C8orf34: variants seen among roughly 807,000 people sequenced by gnomAD.
C8orf34 encodes the protein uncharacterized protein C8orf34.
A neutral mutation model predicts 68.3 loss-of-function variants in C8orf34; 65 were observed. That is an observed-to-expected ratio of 0.95 (90% confidence interval 0.78 to 1.17). The LOEUF (loss-of-function observed/expected upper bound fraction) is 1.17, where lower values mean the gene tolerates loss of function less well. Ranked by LOEUF, C8orf34 falls within the 50% of genes most tolerant of loss-of-function variation. The probability of loss-of-function intolerance (pLI) is 0.00; values close to 1 mark genes in which losing one functional copy is unlikely to be tolerated. For missense variants in C8orf34, 664 were observed against 655.4 expected (o/e 1.01, Z -0.14); for synonymous variants, 244 against 241.2 (o/e 1.01, Z -0.11).
chr8:68,677,973 G>GA lies in C8orf34; in HGVS notation c.1242-31017dup, dbSNP rs377122237. On this transcript the variant is annotated intron_variant, in intron 8 of 13. Coordinates refer to ENST00000518698, the MANE Select transcript of C8orf34 (RefSeq NM_052958.4). ...AAGAGAAACTATATGCCTTAAACTG[G>GA]AAAACCTAAAAGAAGTGGATAAACT... Among the ~76,000 whole-genome samples the GA allele has an allele frequency of 3.4e-3, 521 of 152,154 alleles. 3 individuals are homozygous for GA. Among genetic ancestry groups the GA allele is most frequent in the African/African-American group, 0.012 (490 of 41,526 alleles).
At chr8:68,474,855 A>G (rs925751154) in intron 4 of C8orf34, among the ~76,000 whole-genome samples, 1 of 152,184 alleles carries the variant, frequency 6.6e-6, no homozygotes, top group Admixed American at 6.5e-5. Flanking sequence ...GGAGCTGGAA[A>G]AAGTAGGCTA....
intron 10 of C8orf34, among the ~76,000 whole-genome samples, chr8:68,758,024 A>G (rs1822915826): frequency 6.6e-6 from 1 of 152,236 alleles, no homozygotes; most frequent in Non-Finnish European, 1.5e-5. Flanking sequence ...AGCCCAACAA[A>G]GTACACGTTC....
At chr8:68,589,848 AAGAG>A (rs1489302461) in intron 7 of C8orf34, among the ~76,000 whole-genome samples, 2 of 142,680 alleles carry the variant, frequency 1.4e-5, no homozygotes, top group Non-Finnish European at 3.1e-5. Context: ...TAAAAAGAAA[AAGAG>A]AGAAATGAGT....
At chr8:68,598,854 G>A (rs527594390) in intron 7 of C8orf34, among the ~76,000 whole-genome samples, 3 of 152,154 alleles carry the variant, frequency 2.0e-5, no homozygotes, top group South Asian at 2.1e-4. Context: ...TACAGAGGAC[G>A]AGGAAGAGGA....
At chr8:68,793,686 T>C (rs574009577) in intron 12 of C8orf34, among the ~76,000 whole-genome samples, 1 of 152,256 alleles carries the variant, frequency 6.6e-6, no homozygotes, top group South Asian at 2.1e-4. Context: ...TCAGGAAGAA[T>C]AGCTAATGGA....
chr8:68,644,404 GA>G (rs1819104478), intron 8 of C8orf34, among the ~76,000 whole-genome samples: 1 of 152,172 alleles, frequency 6.6e-6, no homozygotes, highest in African/African-American at 2.4e-5. Context: ...CTTGGTTAAT[GA>G]AACTTCCAGG....
chr8:68,566,433 T>C (rs1043552869), intron 7 of C8orf34, among the ~76,000 whole-genome samples: 12 of 152,226 alleles, frequency 7.9e-5, no homozygotes, highest in Non-Finnish European at 1.8e-4. Context: ...TGTTGTTCAG[T>C]GTAGCCACCT....
At chr8:68,435,475 G>T (rs1327599072) in intron 1 of C8orf34, among the ~76,000 whole-genome samples, 1 of 152,136 alleles carries the variant, frequency 6.6e-6, no homozygotes, top group African/African-American at 2.4e-5. Context: ...GAAGCATGTG[G>T]TTCTCAGATG....
intron 7 of C8orf34, among the ~76,000 whole-genome samples, chr8:68,580,270 A>G (rs1207035089): frequency 6.6e-6 from 1 of 152,120 alleles, no homozygotes; most frequent in Admixed American, 6.5e-5. Context: ...TTTTAAATAT[A>G]TAAAAAGAAA....
chr8:68,498,439 C>CATGCTGAG (rs1333187211), intron 5 of C8orf34, among the ~76,000 whole-genome samples: 1 of 152,154 alleles, frequency 6.6e-6, no homozygotes, highest in Non-Finnish European at 1.5e-5. Flanking sequence ...TTGGCATAAA[C>CATGCTGAG]ATGCTGAGAT....
intron 7 of C8orf34, among the ~76,000 whole-genome samples, chr8:68,597,342 A>C (rs1586427788): frequency 6.6e-6 from 1 of 152,044 alleles, no homozygotes. Flanking sequence ...TGGGATTTTT[A>C]AAATATGTAT....
chr8:68,550,896 T>G (rs1172010704), intron 7 of C8orf34, among the ~76,000 whole-genome samples: 1 of 151,502 alleles, frequency 6.6e-6, no homozygotes, highest in African/African-American at 2.4e-5. Context: ...TTTTTTTTTT[T>G]GTTTTGTTTG....
At chr8:68,648,932 A>C (rs572890582) in intron 8 of C8orf34, among the ~76,000 whole-genome samples, 2 of 152,318 alleles carry the variant, frequency 1.3e-5, no homozygotes, top group Non-Finnish European at 2.9e-5. Flanking sequence ...ATGTGAACTC[A>C]TTTCAAATTG....
rs185191915 is a variant in C8orf34, at chr8:68,460,470, G to A, written c.608-8222G>A. On this transcript the variant is annotated intron_variant, in intron 3 of 13. Transcript: ENST00000518698. Reference sequence around the variant, plus strand: ...TCCCAGCACGCAGCTGGAGATCAGAGAATGGGCAGACTGCCTCCTCAAGTG... The same window carrying A: ...TCCCAGCACGCAGCTGGAGATCAGAAAATGGGCAGACTGCCTCCTCAAGTG... Among the ~76,000 whole-genome samples the A allele has an allele frequency of 2.1e-3, 322 of 152,334 alleles. 4 individuals carry two copies. The highest frequency in any genetic ancestry group is 1.8e-3 in the Non-Finnish European group (122 of 68,036).
At position 68,711,016 on chromosome 8, in the gene C8orf34, C is replaced by A. The variant is rs138550056; in HGVS notation, c.1327+1937C>A. 8.2e-3 allele frequency among the ~76,000 whole-genome samples: 1,243 copies of A among 152,284 alleles called. 14 individuals are homozygous for A. Among genetic ancestry groups the A allele is most frequent in the Middle Eastern group, 0.031 (9 of 294 alleles). On this transcript the variant is annotated intron_variant, in intron 9 of 13. Transcript: ENST00000518698. ...GACTCTTTGCAGACACTCCCCAGTACCAGCCCAGAGCCCGGTAGCTCCACT... is the reference window on the plus strand; with the variant it reads ...GACTCTTTGCAGACACTCCCCAGTAACAGCCCAGAGCCCGGTAGCTCCACT...
At chr8:68,568,412 GAACACTTC>G (rs1389466965) in intron 7 of C8orf34, among the ~76,000 whole-genome samples, 3 of 151,998 alleles carry the variant, frequency 2.0e-5, no homozygotes, top group African/African-American at 7.3e-5. Context: ...CCTTTCACTT[GAACACTTC>G]AGTATTTTTG....
chr8:68,607,399 A>G (rs974270078), intron 7 of C8orf34, among the ~76,000 whole-genome samples: 2 of 152,254 alleles, frequency 1.3e-5, no homozygotes, highest in South Asian at 2.1e-4. Context: ...AGATGGCCAC[A>G]GGTGGCCGCC....
chr8:68,560,114 G>A (rs982684879), intron 7 of C8orf34, among the ~76,000 whole-genome samples: 12 of 151,456 alleles, frequency 7.9e-5, no homozygotes, highest in African/African-American at 2.2e-4. Context: ...CTATGGAAGA[G>A]GATAAGCAAG....
chr8:68,646,629 C>G (rs1382437521), intron 8 of C8orf34, among the ~76,000 whole-genome samples: 2 of 152,052 alleles, frequency 1.3e-5, no homozygotes, highest in Non-Finnish European at 2.9e-5. Flanking sequence ...TCATTAGTCC[C>G]CCTTCCCCCA....
Sources: allele counts gnomAD v4.1 joint callset (sites outside exome capture counted in the v4.1 genomes callset), GRCh38; gene constraint gnomAD v4.1.1; transcripts MANE v1.5; gene names NCBI Gene and HGNC (gene_info 2026-07-23, HGNC 2026-07-21).